VAV2: variants seen among roughly 807,000 people sequenced by gnomAD.
The protein encoded by VAV2 is guanine nucleotide exchange factor VAV2.
VAV2 carries 67 observed loss-of-function variants against 132.5 expected under a neutral mutation model. That is an observed-to-expected ratio of 0.51 (90% confidence interval 0.42 to 0.62). VAV2 has a LOEUF of 0.62. VAV2 is among the 20% of genes least tolerant of loss of function. VAV2 has a pLI of 0.00. For synonymous variants in VAV2, 492 were observed against 443.5 expected, an observed-to-expected ratio of 1.11 and a Z score of -1.37; for missense variants, 938 against 1,153.6, an observed-to-expected ratio of 0.81 and a Z score of 2.71.
chr9:133,970,977 G>C (rs983122763), intron 1 of VAV2, among the ~76,000 whole-genome samples: 1 of 152,214 alleles, frequency 6.6e-6, no homozygotes, highest in Non-Finnish European at 1.5e-5. Context: ...GAAGGGAATG[G>C]TGTGTGAAAA....
intron 29 of VAV2, among the ~76,000 whole-genome samples, chr9:133,766,759 A>AATATAT (rs373267933): frequency 0.15 from 16,214 of 111,686 alleles, 1,352 homozygotes; most frequent in Middle Eastern, 0.18. Flanking sequence ...AGTATAAATA[A>AATATAT]ATATATATAT....
chr9:133,907,700 C>T (rs1411152831), intron 2 of VAV2, among the ~76,000 whole-genome samples: 7 of 152,266 alleles, frequency 4.6e-5, no homozygotes, highest in African/African-American at 1.2e-4. Flanking sequence ...ACTCTCCGCT[C>T]GGCTCGGGCC....
At chr9:133,984,417 C>T (rs1842789313) in intron 1 of VAV2, among the ~76,000 whole-genome samples, 1 of 152,096 alleles carries the variant, frequency 6.6e-6, no homozygotes, top group East Asian at 1.9e-4. Flanking sequence ...AGTTCAAGAC[C>T]AGCCTGGGCA....
chr9:133,934,577 G>A (rs2132120392), intron 2 of VAV2, among the ~76,000 whole-genome samples: 1 of 152,342 alleles, frequency 6.6e-6, no homozygotes, highest in African/African-American at 2.4e-5. Context: ...CTGGAGCTGG[G>A]ACTCTTGGTC....
At chr9:133,949,367 C>T (rs981797424) in intron 1 of VAV2, among the ~76,000 whole-genome samples, 1 of 152,208 alleles carries the variant, frequency 6.6e-6, no homozygotes, top group Non-Finnish European at 1.5e-5. Context: ...AGCTTTGGTT[C>T]ATTCAAGGTG....
In VAV2 at chr9:133,935,436, C is replaced by G. The variant is rs930571694; in HGVS notation, c.321+3667G>C. On this transcript the variant is annotated intron_variant, in intron 2 of 29. Coordinates refer to ENST00000371850, the MANE Select transcript of VAV2 (RefSeq NM_001134398.2). The surrounding 1 kb of genome is among the most constrained non-coding windows in gnomAD (Gnocchi z 5.2). Reference sequence around the variant, plus strand: ...GGGAGTCCGGGAGGCCAGAGACCAGCAGCCTCGGCAAGTCCCCTCCCTGCT... The same window carrying G: ...GGGAGTCCGGGAGGCCAGAGACCAGGAGCCTCGGCAAGTCCCCTCCCTGCT... Among the ~76,000 whole-genome samples the G allele has an allele frequency of 6.6e-6, 1 of 152,208 alleles. No homozygotes were observed. The highest frequency in any genetic ancestry group is 2.4e-5 in the African/African-American group (1 of 41,470).
At chr9:133,975,807 T>C (rs1184231004) in intron 1 of VAV2, among the ~76,000 whole-genome samples, 1 of 152,150 alleles carries the variant, frequency 6.6e-6, no homozygotes, top group South Asian at 2.1e-4. Context: ...AGTCACAGAA[T>C]AGAACTTTCA....
At chr9:133,785,093 C>A (rs1379566510) in intron 17 of VAV2, among the ~76,000 whole-genome samples, 1 of 152,130 alleles carries the variant, frequency 6.6e-6, no homozygotes, top group Non-Finnish European at 1.5e-5. Context: ...TTCTCACGAG[C>A]CAGGCCCTGG....
intron 1 of VAV2, among the ~76,000 whole-genome samples, chr9:133,986,350 T>C (rs1295470781): frequency 6.6e-6 from 1 of 152,124 alleles, no homozygotes; most frequent in East Asian, 1.9e-4. Context: ...GTCAAGGTCA[T>C]GAACATCAAA....
chr9:133,814,996 G>A (rs894458842), intron 4 of VAV2, among the ~76,000 whole-genome samples: 2 of 152,236 alleles, frequency 1.3e-5, no homozygotes, highest in South Asian at 2.1e-4. Context: ...AACGTATTCC[G>A]GGAAATACAG....
chr9:133,989,998 G>A (rs545466684), intron 1 of VAV2, among the ~76,000 whole-genome samples: 62 of 152,378 alleles, frequency 4.1e-4, no homozygotes, highest in African/African-American at 1.4e-3. Context: ...ACTGTGCGAA[G>A]GGTGTGCCTT....
At chr9:133,782,318 CT>C (rs577419925) in intron 19 of VAV2, among the ~76,000 whole-genome samples, 149 of 152,170 alleles carry the variant, frequency 9.8e-4, no homozygotes, top group African/African-American at 3.4e-3. Flanking sequence ...CAGCCATCGT[CT>C]GGGGACATGC....
At position 133,788,549 on chromosome 9, in the gene VAV2, C is replaced by A; in HGVS notation, c.1275-63G>T. On this transcript the variant is annotated intron_variant, in intron 14 of 29. Coordinates refer to ENST00000371850, the MANE Select transcript of VAV2 (RefSeq NM_001134398.2). This position sits in a 1 kb window ranked among gnomAD's most constrained non-coding sequence, Gnocchi z 5.3. ...CACTGTGTGCTCTGCTCCGAGGAGGCGGCAGGAGCTGAGCCTGAGGCTCTG... is the reference window on the plus strand; with the variant it reads ...CACTGTGTGCTCTGCTCCGAGGAGGAGGCAGGAGCTGAGCCTGAGGCTCTG... 1.3e-6 allele frequency: 2 copies of A among 1,565,578 alleles called. No individual in the cohort carries two copies. The highest frequency in any genetic ancestry group is 2.7e-5 in the African/African-American group (2 of 74,240).
At position 133,969,119 on chromosome 9, in the gene VAV2, G is replaced by T. The variant is rs549348654; in HGVS notation, c.204+22956C>A. Among the ~76,000 whole-genome samples the T allele has an allele frequency of 1.3e-5, 2 of 149,898 alleles. No individual in the cohort carries two copies. Among genetic ancestry groups the T allele is most frequent in the South Asian group, 4.2e-4 (2 of 4,744 alleles). ...GCCTGAGATGAATCCCACATGCCGG[G>T]ATTCACACTTCCCCCGAGAGCTGGA... On this transcript the variant is annotated intron_variant, in intron 1 of 29. Transcript: ENST00000371850. The surrounding 1 kb of genome is among the most constrained non-coding windows in gnomAD (Gnocchi z 5.1).
chr9:133,774,344 T>C (rs373664897), intron 25 of VAV2, among the ~76,000 whole-genome samples: 1 of 152,206 alleles, frequency 6.6e-6, no homozygotes, highest in East Asian at 1.9e-4. Context: ...GAAGGCTTTC[T>C]GAGAATTTCT....
At chr9:133,806,748 C>T (rs1403295520) in intron 8 of VAV2, among the ~76,000 whole-genome samples, 1 of 152,216 alleles carries the variant, frequency 6.6e-6, no homozygotes, top group Non-Finnish European at 1.5e-5. Context: ...GCTGCTGGCA[C>T]CTGTGGCCGC....
chr9:133,972,399 G>A (rs1186350547), intron 1 of VAV2, among the ~76,000 whole-genome samples: 1 of 152,246 alleles, frequency 6.6e-6, no homozygotes. Context: ...GGGTGGGGGA[G>A]GCTCCAGGAA....
intron 11 of VAV2, among the ~76,000 whole-genome samples, chr9:133,796,183 G>A (rs1301542091): frequency 2.6e-5 from 4 of 152,168 alleles, no homozygotes; most frequent in African/African-American, 4.8e-5. Flanking sequence ...GTGTGAGGAC[G>A]CTTTTCTGTC....
intron 10 of VAV2, 130 bp downstream of exon 10, chr9:133,797,580 C>A: frequency 2.5e-6 from 2 of 804,604 alleles, no homozygotes; most frequent in Non-Finnish European, 3.8e-6. Flanking sequence ...CTACAAAAAA[C>A]CATTACGTCA....
Sources: gnomAD v4.1 joint callset for allele counts (sites outside exome capture counted in the v4.1 genomes callset) on GRCh38, gnomAD v4.1.1 for gene constraint, Gnocchi (gnomAD v3.1) non-coding constraint, MANE v1.5 for transcripts, NCBI Gene and HGNC (gene_info 2026-07-23, HGNC 2026-07-21) for gene names.